The following CNTNAP3 variants were observed in gnomAD, a reference collection of about 807,000 sequenced individuals.
CNTNAP3 encodes contactin associated protein family member 3.
In CNTNAP3, 36 loss-of-function variants were observed where a neutral mutation model predicts 92.1. The observed-to-expected ratio is 0.39, with a 90% CI of 0.30 to 0.52. The LOEUF is 0.52. Among genes scored for constraint, CNTNAP3 ranks in the 20% least tolerant of loss-of-function variants. CNTNAP3 has a pLI of 0.76. For missense variants in CNTNAP3, 534 were observed against 1,069.6 expected (o/e 0.50, Z 6.98); for synonymous variants, 232 against 422.3 (o/e 0.55, Z 5.53).
At chr9:39,133,698 C>G (rs1821360240) in intron 12 of CNTNAP3, among the ~76,000 whole-genome samples, 1 of 151,826 alleles carries the variant, frequency 6.6e-6, no homozygotes, top group East Asian at 1.9e-4. Flanking sequence ...AGGCGGTGAC[C>G]CTGAGCATCT....
intron 13 of CNTNAP3, among the ~76,000 whole-genome samples, chr9:39,130,793 G>A (rs1372942540): frequency 6.6e-6 from 1 of 151,512 alleles, no homozygotes; most frequent in African/African-American, 2.4e-5. Flanking sequence ...ATGAGCCACC[G>A]TGCCCGGCCA....
chr9:39,084,161 C>G (rs1261589293), intron 21 of CNTNAP3, among the ~76,000 whole-genome samples: 1 of 148,018 alleles, frequency 6.8e-6, no homozygotes, highest in African/African-American at 2.5e-5. Flanking sequence ...TTTCTCAGTG[C>G]TTAATAAACT....
chr9:39,066,713 T>C lies in CNTNAP3; in HGVS notation c.*7177A>G, dbSNP rs1282116414. Among the ~76,000 whole-genome samples, 2 of 152,310 alleles carry C rather than the reference T, an allele frequency of 1.3e-5. No homozygotes were observed. Among genetic ancestry groups the C allele is most frequent in the African/African-American group, 4.8e-5 (2 of 41,488 alleles). ...AGATGTTGCTCCACTGCCCTTCCCC[T>C]TGCATTGCTTCCAAAAAGAAGTCTG... On this transcript the variant is annotated 3_prime_UTR_variant, in exon 24 of 24. Transcript: ENST00000297668.
rs1260567536 is a variant in CNTNAP3, at chr9:39,071,548, A to T, written c.*2342T>A. On this transcript the variant is annotated 3_prime_UTR_variant, in exon 24 of 24. Transcript: ENST00000297668. Reference sequence around the variant, plus strand: ...TTTTCTTTTTTAATTTGAAGAAAAAAGTTGGGAAATTATTATGCTTTTACT... The same window carrying T: ...TTTTCTTTTTTAATTTGAAGAAAAATGTTGGGAAATTATTATGCTTTTACT... 1.3e-5 allele frequency among the ~76,000 whole-genome samples: 2 copies of T among 152,038 alleles called. No individual in the cohort carries two copies. Among genetic ancestry groups the T allele is most frequent in the African/African-American group, 4.8e-5 (2 of 41,416 alleles).
chr9:39,159,348 T>C (rs1181160553), intron 9 of CNTNAP3: 3 of 139,678 alleles, frequency 2.1e-5, no homozygotes, highest in Non-Finnish European at 4.6e-5. Context: ...TTTGGTCATA[T>C]ATATATATTT....
intron 13 of CNTNAP3, among the ~76,000 whole-genome samples, chr9:39,123,330 G>A (rs1363416615): frequency 4.6e-5 from 7 of 151,968 alleles, no homozygotes; most frequent in Non-Finnish European, 7.4e-5. Context: ...TCCTGAACTT[G>A]TGATCCGCCC....
intron 18 of CNTNAP3, among the ~76,000 whole-genome samples, chr9:39,091,162 T>TTTC (rs1021722862): frequency 1.3e-5 from 2 of 148,822 alleles, no homozygotes; most frequent in African/African-American, 4.9e-5. Context: ...TTTGGATGTT[T>TTTC]TTCTTCTTCT....
chr9:39,117,460 A>G (rs951466411), intron 14 of CNTNAP3, among the ~76,000 whole-genome samples: 2 of 152,228 alleles, frequency 1.3e-5, no homozygotes, highest in African/African-American at 4.8e-5. Flanking sequence ...TCTGAAAAAA[A>G]GGCATTGCAA....
rs775566966 is a variant in CNTNAP3, at chr9:39,109,221, G to A, written c.2304C>T (p.Asp768=). ...HLPVTQIVMT[D]AGRPHSEAAY... is the part of the protein sequence containing the mutation. ...CTGCTTCGGAATGTGGTCGGCCTGCGTCTGTCATCACAATCTGAGTGACTG... is the reference window on the plus strand; with the variant it reads ...CTGCTTCGGAATGTGGTCGGCCTGCATCTGTCATCACAATCTGAGTGACTG... Residue 768 remains aspartate, a synonymous_variant, in exon 15 of 24, where the codon GAC becomes GAT. Coordinates refer to ENST00000297668, the MANE Select transcript of CNTNAP3 (RefSeq NM_033655.5). The A allele has an allele frequency of 1.7e-5, 27 of 1,612,776 alleles. No individual in the cohort carries two copies. The highest frequency in any genetic ancestry group is 6.7e-5 in the Admixed American group (4 of 59,976).
chr9:39,150,069 T>G, intron 9 of CNTNAP3, 92 bp from the exon 10 acceptor site: 2 of 842,962 alleles, frequency 2.4e-6, no homozygotes, highest in Non-Finnish European at 3.7e-6. Context: ...CTCCCGCTTG[T>G]TTATGGACAT....
intron 15 of CNTNAP3, among the ~76,000 whole-genome samples, chr9:39,105,161 C>T (rs546924487): frequency 2.0e-5 from 3 of 152,278 alleles, no homozygotes; most frequent in Admixed American, 1.3e-4. Flanking sequence ...GGTGCAGTGG[C>T]TCACGCCTGT....
At chr9:39,122,486 CA>C (rs1821053306) in intron 13 of CNTNAP3, among the ~76,000 whole-genome samples, 1 of 152,168 alleles carries the variant, frequency 6.6e-6, no homozygotes, top group Non-Finnish European at 1.5e-5. Flanking sequence ...AAAGAGCTGT[CA>C]ATTTTAGACC....
chr9:39,120,944 T>A (rs1821004983), intron 13 of CNTNAP3, among the ~76,000 whole-genome samples: 1 of 151,930 alleles, frequency 6.6e-6, no homozygotes, highest in South Asian at 2.1e-4. Flanking sequence ...TATTTAGAAG[T>A]GGGGAAGATA....
chr9:39,085,874 T>C lies in CNTNAP3; in HGVS notation c.3355-51A>G, dbSNP rs368138929. 78 of 1,432,176 alleles carry C rather than the reference T, an allele frequency of 5.4e-5. 3 individuals carry two copies. In the Middle Eastern group the frequency reaches 7.4e-4, roughly 14 times the overall value. 88.7% of individuals were successfully genotyped at this position (1,432,176 alleles called of 1,614,324 possible). ...ACATCAACAGAAAGTACAATTTTAATGATAAGGAAGCAAAGGAAGATGAGG... is the reference window on the plus strand; with the variant it reads ...ACATCAACAGAAAGTACAATTTTAACGATAAGGAAGCAAAGGAAGATGAGG... On this transcript the variant is annotated intron_variant, in intron 20 of 23. Coordinates refer to ENST00000297668, the MANE Select transcript of CNTNAP3 (RefSeq NM_033655.5).
chr9:39,101,077 T>A (rs1252582067), intron 17 of CNTNAP3, among the ~76,000 whole-genome samples: 1 of 148,604 alleles, frequency 6.7e-6, no homozygotes, highest in East Asian at 2.0e-4. Flanking sequence ...CCTTAAATAA[T>A]CTCCAAGATT....
At chr9:39,109,452 G>A (rs1826689430) in intron 14 of CNTNAP3, among the ~76,000 whole-genome samples, 165 bp from the exon 15 acceptor site, 1 of 151,986 alleles carries the variant, frequency 6.6e-6, no homozygotes, top group Non-Finnish European at 1.5e-5. Flanking sequence ...TCTAAATCAG[G>A]GATGGGCAAA....
Position 39,073,283 on chromosome 9 carries a change from C to T in CNTNAP3, c.*607G>A, listed in dbSNP as rs948025172. ...TTCAACTGTGTTGTATTAACCATCA[C>T]ACAGGAGAATAAAAGGGCTGTGAAT... On this transcript the variant is annotated 3_prime_UTR_variant, in exon 24 of 24. Coordinates refer to ENST00000297668, the MANE Select transcript of CNTNAP3 (RefSeq NM_033655.5). 1 of 212,480 alleles carries T rather than the reference C, an allele frequency of 4.7e-6. No individual in the cohort carries two copies. Among genetic ancestry groups the T allele is most frequent in the Admixed American group, 5.3e-5 (1 of 18,960 alleles). 13.2% of individuals were successfully genotyped at this position (212,480 alleles called of 1,614,324 possible).
At chr9:39,264,214 GATAAATAAATAA>G (rs1160668948) in intron 2 of CNTNAP3, among the ~76,000 whole-genome samples, 112 of 4,908 alleles carry the variant, frequency 0.023, 44 homozygotes, top group African/African-American at 0.03. Flanking sequence ...ACTCCATCTC[GATAAATAAATAA>G]ATAAATAAAT....
chr9:39,133,540 G>C (rs1459669148), intron 12 of CNTNAP3, among the ~76,000 whole-genome samples: 2 of 151,518 alleles, frequency 1.3e-5, no homozygotes, highest in Non-Finnish European at 2.9e-5. Context: ...ATTTATAAAA[G>C]ATACATATTG....
Sources: allele counts gnomAD v4.1 joint callset (sites outside exome capture counted in the v4.1 genomes callset), GRCh38; gene constraint gnomAD v4.1.1; transcripts MANE v1.5; gene names NCBI Gene and HGNC (gene_info 2026-07-23, HGNC 2026-07-21).